ZFHX3: variants seen among roughly 807,000 people sequenced by gnomAD.
ZFHX3 encodes the protein zinc finger homeobox 3.
A neutral mutation model predicts 279.1 loss-of-function variants in ZFHX3; 42 were observed. The ratio of observed to expected loss-of-function variants is 0.15; its 90% CI spans 0.12 to 0.19. The LOEUF is 0.19. ZFHX3 is among the 10% of genes least tolerant of loss of function. The pLI, the probability that ZFHX3 is intolerant of heterozygous loss-of-function variation, is 1.00. For missense variants in ZFHX3, 4,981 were observed against 4,754.0 expected, an observed-to-expected ratio of 1.05 and a Z score of -1.40; for synonymous variants, 2,293 against 1,957.8, an observed-to-expected ratio of 1.17 and a Z score of -4.52.
intron 2 of ZFHX3, among the ~76,000 whole-genome samples, chr16:73,563,790 T>C (rs1161465773): frequency 6.6e-6 from 1 of 152,064 alleles, no homozygotes; most frequent in Non-Finnish European, 1.5e-5. Context: ...TGTTTTGGAG[T>C]CCTAGGATTC....
intron 7 of ZFHX3, among the ~76,000 whole-genome samples, chr16:73,130,006 C>T (rs1220030657): frequency 6.6e-6 from 1 of 152,096 alleles, no homozygotes; most frequent in East Asian, 1.9e-4. Flanking sequence ...ACAATGAAGG[C>T]CAGAATTCCA....
intron 8 of ZFHX3, among the ~76,000 whole-genome samples, chr16:73,091,856 G>A (rs191091089): frequency 1.3e-5 from 2 of 152,262 alleles, no homozygotes; most frequent in East Asian, 3.9e-4. Flanking sequence ...TGATGACATA[G>A]GTCTCTTCTA....
intron 2 of ZFHX3, among the ~76,000 whole-genome samples, chr16:73,620,367 GA>G (rs542391413): frequency 6.6e-6 from 1 of 152,060 alleles, no homozygotes; most frequent in Admixed American, 6.6e-5. Flanking sequence ...ATAAATGGGG[GA>G]AAAAAACAAA....
chr16:73,361,224 C>T (rs1034528499), intron 3 of ZFHX3, among the ~76,000 whole-genome samples: 1 of 152,214 alleles, frequency 6.6e-6, no homozygotes, highest in Non-Finnish European at 1.5e-5. Flanking sequence ...CCTTGTTTGC[C>T]TCCTCCCATA....
chr16:73,639,364 A>G (rs1006827555), intron 2 of ZFHX3, among the ~76,000 whole-genome samples: 13 of 152,154 alleles, frequency 8.5e-5, no homozygotes, highest in Admixed American at 6.5e-5. Context: ...TGGAGAAGAT[A>G]AACCCATTTG....
chr16:73,585,798 T>C (rs1351214146), intron 2 of ZFHX3, among the ~76,000 whole-genome samples: 3 of 152,210 alleles, frequency 2.0e-5, no homozygotes, highest in Admixed American at 2.0e-4. Flanking sequence ...TTAAAATGTT[T>C]CAAGGTCTTG....
intron 2 of ZFHX3, among the ~76,000 whole-genome samples, chr16:73,631,100 T>C (rs1372151976): frequency 2.0e-5 from 3 of 152,150 alleles, no homozygotes; most frequent in Non-Finnish European, 2.9e-5. Context: ...AAATGGGCCA[T>C]TACCAGTAAG....
intron 1 of ZFHX3, among the ~76,000 whole-genome samples, chr16:73,030,484 C>T (rs1243255088): frequency 6.6e-6 from 1 of 152,150 alleles, no homozygotes; most frequent in East Asian, 1.9e-4. Context: ...TTAGAAATAT[C>T]GGCAGCCTCT....
chr16:73,282,807 T>TG (rs2014489999), intron 4 of ZFHX3, among the ~76,000 whole-genome samples: 1 of 152,240 alleles, frequency 6.6e-6, no homozygotes, highest in South Asian at 2.1e-4. Flanking sequence ...AACAACATGA[T>TG]GCGGTTGCAT....
At chr16:73,111,811 CT>C (rs1966378272) in intron 7 of ZFHX3, among the ~76,000 whole-genome samples, 1 of 152,086 alleles carries the variant, frequency 6.6e-6, no homozygotes, top group Non-Finnish European at 1.5e-5. Context: ...ATTCTAAACC[CT>C]TGCCATATAT....
intron 1 of ZFHX3, among the ~76,000 whole-genome samples, chr16:73,807,608 C>G (rs1048514859): frequency 2.7e-5 from 4 of 147,492 alleles, no homozygotes; most frequent in Non-Finnish European, 5.9e-5. Flanking sequence ...AGGCACATTC[C>G]ACCATGCCCC....
chr16:73,852,676 C>A (rs1961619842), intron 1 of ZFHX3, among the ~76,000 whole-genome samples: 1 of 152,104 alleles, frequency 6.6e-6, no homozygotes, highest in South Asian at 2.1e-4. Flanking sequence ...GACTTTTCTC[C>A]TAGGAAGACT....
intron 5 of ZFHX3, among the ~76,000 whole-genome samples, chr16:72,819,656 G>C (rs1398664115): frequency 6.6e-6 from 1 of 152,204 alleles, no homozygotes; most frequent in Non-Finnish European, 1.5e-5. Flanking sequence ...AGAGGGCCCA[G>C]CAAGCATGGG....
chr16:73,874,552 A>T (rs2029892884), intron 1 of ZFHX3, among the ~76,000 whole-genome samples: 1 of 152,244 alleles, frequency 6.6e-6, no homozygotes, highest in South Asian at 2.1e-4. Context: ...TGCCAAATAC[A>T]TTTGTAAAAC....
chr16:73,731,880 G>C (rs1473837534), intron 1 of ZFHX3, among the ~76,000 whole-genome samples: 1 of 152,178 alleles, frequency 6.6e-6, no homozygotes, highest in South Asian at 2.1e-4. Flanking sequence ...GGATAGACTG[G>C]AAAGAGCTCA....
At chr16:73,780,425 G>C (rs1412393155) in intron 1 of ZFHX3, among the ~76,000 whole-genome samples, 1 of 150,840 alleles carries the variant, frequency 6.6e-6, no homozygotes, top group African/African-American at 2.4e-5. Context: ...TGAGTTTATA[G>C]GCATGAGCCA....
At chr16:73,360,709 T>G (rs965225220) in intron 3 of ZFHX3, among the ~76,000 whole-genome samples, 1 of 152,148 alleles carries the variant, frequency 6.6e-6, no homozygotes, top group Non-Finnish European at 1.5e-5. Context: ...GAGAACACAG[T>G]TTTAACATAA....
At chr16:73,450,355 G>C (rs1295709772) in intron 3 of ZFHX3, among the ~76,000 whole-genome samples, 1 of 152,020 alleles carries the variant, frequency 6.6e-6, no homozygotes. Context: ...ACATTCAACA[G>C]ATTTGAAAGA....
At chr16:73,499,778 C>A (rs2019203254) in intron 2 of ZFHX3, 1 of 152,126 alleles carries the variant, frequency 6.6e-6, no homozygotes, top group East Asian at 1.9e-4. Context: ...TAGTCATGTG[C>A]CACATGACAA....
Sources: gnomAD v4.1 joint callset for allele counts (sites outside exome capture counted in the v4.1 genomes callset) on GRCh38, gnomAD v4.1.1 for gene constraint, MANE v1.5 for transcripts, NCBI Gene and HGNC (gene_info 2026-07-23, HGNC 2026-07-21) for gene names.